Variants in FAM13A observed in about 807,000 individuals in gnomAD.
FAM13A encodes the protein family with sequence similarity 13 member A.
In FAM13A, 76 loss-of-function variants were observed where a neutral mutation model predicts 129.6. The ratio of observed to expected loss-of-function variants is 0.59; its 90% CI spans 0.49 to 0.71. The LOEUF (loss-of-function observed/expected upper bound fraction) is 0.71. Ranked by LOEUF, FAM13A falls within the 30% of genes least tolerant of loss-of-function variation. The pLI is 0.00. For missense variants in FAM13A, 1,108 were observed against 1,249.3 expected (o/e 0.89, Z 1.70); for synonymous variants, 443 against 449.9 (o/e 0.98, Z 0.20).
chr4:88,949,784 T>C (rs1756629786), intron 4 of FAM13A, among the ~76,000 whole-genome samples: 1 of 152,222 alleles, frequency 6.6e-6, no homozygotes, highest in South Asian at 2.1e-4. Flanking sequence ...TTCCAGGAAC[T>C]CAATTTATAT....
rs891155893 is a variant in FAM13A, at chr4:88,865,530, G to A, written c.844-14347C>T. On this transcript the variant is annotated intron_variant, in intron 6 of 23. Coordinates refer to ENST00000264344, the MANE Select transcript of FAM13A (RefSeq NM_014883.4). ...GTTCTGAGTTTTAGTGCCTAGTAAC[G>A]GTAACAGCAAATCATGATATTGAAT... Among the ~76,000 whole-genome samples the A allele has an allele frequency of 7.2e-5, 11 of 152,252 alleles. No individual in the cohort carries two copies. The East Asian group carries it at 7.7e-4, about 11-fold the overall frequency.
chr4:88,819,293 A>G (rs1185074293), intron 7 of FAM13A, among the ~76,000 whole-genome samples: 1 of 152,214 alleles, frequency 6.6e-6, no homozygotes, highest in African/African-American at 2.4e-5. Flanking sequence ...AATCAAAGGA[A>G]TCCACATCAA....
intron 6 of FAM13A, among the ~76,000 whole-genome samples, chr4:88,892,324 C>T (rs544687184): frequency 1.1e-4 from 17 of 152,046 alleles, no homozygotes; most frequent in South Asian, 2.1e-4. Flanking sequence ...GGACTACAGG[C>T]GCCCGCCACC....
At chr4:88,815,276 TA>T (rs1338450852) in intron 7 of FAM13A, among the ~76,000 whole-genome samples, 1 of 152,178 alleles carries the variant, frequency 6.6e-6, no homozygotes, top group Non-Finnish European at 1.5e-5. Context: ...TTAGGCACCT[TA>T]ATTTTAAAGA....
At chr4:88,831,200 C>G (rs1365355817) in intron 7 of FAM13A, among the ~76,000 whole-genome samples, 1 of 152,170 alleles carries the variant, frequency 6.6e-6, no homozygotes, top group Non-Finnish European at 1.5e-5. Flanking sequence ...ATGGGACTCT[C>G]TGGGCATGAC....
intron 19 of FAM13A, among the ~76,000 whole-genome samples, chr4:88,742,072 A>G (rs920613831): frequency 6.6e-6 from 1 of 152,228 alleles, no homozygotes; most frequent in Non-Finnish European, 1.5e-5. Flanking sequence ...AAGATAAACA[A>G]TAGACGGTTG....
chr4:89,031,279 T>G (rs1768646405), intron 1 of FAM13A, among the ~76,000 whole-genome samples: 1 of 152,160 alleles, frequency 6.6e-6, no homozygotes, highest in Non-Finnish European at 1.5e-5. Context: ...AAAAAAAAAT[T>G]TCAGTGTAGC....
chr4:88,971,720 A>G (rs1760108483), intron 4 of FAM13A, among the ~76,000 whole-genome samples: 1 of 152,100 alleles, frequency 6.6e-6, no homozygotes, highest in African/African-American at 2.4e-5. Flanking sequence ...GTGTTGCCCA[A>G]TCTGGTCTCA....
intron 6 of FAM13A, among the ~76,000 whole-genome samples, chr4:88,904,498 C>T (rs1747817853): frequency 6.6e-6 from 1 of 152,154 alleles, no homozygotes; most frequent in African/African-American, 2.4e-5. Flanking sequence ...CCGTTATTCT[C>T]AGCAAACTAA....
rs763590485 is a variant in FAM13A at position 88,938,175 on chromosome 4, T to C, written c.672A>G (p.Leu224=). The C allele has an allele frequency of 4.6e-5, 74 of 1,613,370 alleles. No homozygotes were observed. The highest frequency in any genetic ancestry group is 6.0e-5 in the Non-Finnish European group (71 of 1,179,490). ...DLCNKIMAKI[L]ENYNTLFEVE... ...CTTCAAACAGGGTATTGTAATTTTC[T>C]AGAATTTTAGCCATTATCTTGTTGC... The change falls in exon 5 of 24, where the codon CTA becomes CTG. Residue 224 remains leucine (L), a synonymous_variant. Transcript: ENST00000264344.
chr4:88,742,576 C>G (rs1197777356), intron 19 of FAM13A, among the ~76,000 whole-genome samples: 1 of 152,126 alleles, frequency 6.6e-6, no homozygotes, highest in East Asian at 1.9e-4. Flanking sequence ...ATATTTGAAG[C>G]CAAAGGCTCA....
At chr4:89,001,495 TTC>T in intron 3 of FAM13A, among the ~76,000 whole-genome samples, 1 of 152,348 alleles carries the variant, frequency 6.6e-6, no homozygotes, top group South Asian at 2.1e-4. Flanking sequence ...AATATAATGA[TTC>T]TGTTTCTCGC....
intron 13 of FAM13A, among the ~76,000 whole-genome samples, chr4:88,765,726 T>C (rs1352135206): frequency 1.3e-5 from 2 of 152,196 alleles, no homozygotes; most frequent in Non-Finnish European, 2.9e-5. Flanking sequence ...TCTTGTGGAA[T>C]GATGTCTTAT....
At chr4:88,745,724 T>TA (rs1353155449) in intron 19 of FAM13A, among the ~76,000 whole-genome samples, 7 of 152,204 alleles carry the variant, frequency 4.6e-5, no homozygotes, top group Non-Finnish European at 1.0e-4. Context: ...CTAGAGCATT[T>TA]ACTATTTGGT....
intron 3 of FAM13A, among the ~76,000 whole-genome samples, chr4:88,999,768 T>G (rs1393229290): frequency 1.3e-5 from 2 of 152,198 alleles, no homozygotes; most frequent in African/African-American, 4.8e-5. Flanking sequence ...AAAAGGTTGA[T>G]TATTTCCATG....
At chr4:88,777,813 C>T (rs979652013) in intron 11 of FAM13A, among the ~76,000 whole-genome samples, 13 of 152,160 alleles carry the variant, frequency 8.5e-5, no homozygotes, top group Non-Finnish European at 1.9e-4. Flanking sequence ...CATCTTTCTA[C>T]CAACCCTATT....
intron 13 of FAM13A, among the ~76,000 whole-genome samples, chr4:88,765,853 C>T (rs1745635905): frequency 6.6e-6 from 1 of 152,154 alleles, no homozygotes; most frequent in African/African-American, 2.4e-5. Context: ...TTAGTGAACG[C>T]CTAAGCAGTG....
intron 8 of FAM13A, among the ~76,000 whole-genome samples, chr4:88,799,466 C>G (rs1028417512): frequency 6.7e-6 from 1 of 149,126 alleles, no homozygotes; most frequent in African/African-American, 2.5e-5. Context: ...CTACCATATG[C>G]TCCAACAATT....
intron 3 of FAM13A, among the ~76,000 whole-genome samples, chr4:89,017,215 C>T (rs1361009060): frequency 6.6e-6 from 1 of 152,036 alleles, no homozygotes; most frequent in Non-Finnish European, 1.5e-5. Context: ...CTGAATGACT[C>T]AAATCTAACC....
Sources: gnomAD v4.1 joint callset for allele counts (sites outside exome capture counted in the v4.1 genomes callset) on GRCh38, gnomAD v4.1.1 for gene constraint, MANE v1.5 for transcripts, NCBI Gene and HGNC (gene_info 2026-07-23, HGNC 2026-07-21) for gene names.